Variants in SLC2A13 observed in about 807,000 individuals in gnomAD.
SLC2A13 encodes solute carrier family 2 member 13, also known as proton myo-inositol cotransporter.
In SLC2A13, 32 loss-of-function variants were observed where a neutral mutation model predicts 64.4. The observed-to-expected ratio is 0.50, with a 90% CI of 0.37 to 0.67. The LOEUF is 0.67. SLC2A13 is among the 30% of genes least tolerant of loss of function. The pLI, the probability that SLC2A13 is intolerant of heterozygous loss-of-function variation, is 0.00. For synonymous variants in SLC2A13, 338 were observed against 327.1 expected, an observed-to-expected ratio of 1.03 and a Z score of -0.36; for missense variants, 743 against 829.2, an observed-to-expected ratio of 0.90 and a Z score of 1.28.
At chr12:39,948,792 T>C (rs1946182026) in intron 4 of SLC2A13, among the ~76,000 whole-genome samples, 1 of 152,106 alleles carries the variant, frequency 6.6e-6, no homozygotes, top group African/African-American at 2.4e-5. Flanking sequence ...AAATTTTATA[T>C]ACATAAACAT....
chr12:40,093,668 G>C (rs1938839509), intron 1 of SLC2A13, among the ~76,000 whole-genome samples: 1 of 152,142 alleles, frequency 6.6e-6, no homozygotes, highest in South Asian at 2.1e-4. Context: ...AAGGGAAAGA[G>C]TGCTCCAGGA....
chr12:39,959,183 C>T (rs1231048811), intron 3 of SLC2A13, among the ~76,000 whole-genome samples: 1 of 152,142 alleles, frequency 6.6e-6, no homozygotes, highest in African/African-American at 2.4e-5. Flanking sequence ...CCTGAGCACA[C>T]CCACGCTGTT....
At chr12:39,875,999 C>T (rs1944175061) in intron 4 of SLC2A13, among the ~76,000 whole-genome samples, 1 of 152,174 alleles carries the variant, frequency 6.6e-6, no homozygotes, top group South Asian at 2.1e-4. Flanking sequence ...AAAAGGCTTT[C>T]TTTCCTTTTT....
chr12:40,054,088 T>C (rs943783933), intron 1 of SLC2A13, among the ~76,000 whole-genome samples: 2 of 152,210 alleles, frequency 1.3e-5, no homozygotes, highest in African/African-American at 4.8e-5. Flanking sequence ...CCTTGATTTA[T>C]ATAAGCCACA....
intron 1 of SLC2A13, among the ~76,000 whole-genome samples, chr12:40,069,681 C>T (rs532464836): frequency 3.3e-5 from 5 of 151,502 alleles, no homozygotes; most frequent in South Asian, 2.1e-4. Flanking sequence ...CTACAGGAAG[C>T]GGTTTCCTTC....
chr12:40,054,372 T>C (rs923645082), intron 1 of SLC2A13, among the ~76,000 whole-genome samples: 2 of 152,150 alleles, frequency 1.3e-5, no homozygotes, highest in African/African-American at 4.8e-5. Context: ...AATAAAAGCC[T>C]GATAAAGAAA....
chr12:39,796,284 A>T (rs970189364), intron 7 of SLC2A13, among the ~76,000 whole-genome samples: 13 of 152,072 alleles, frequency 8.5e-5, no homozygotes, highest in Non-Finnish European at 1.8e-4. Context: ...TTACCATTGG[A>T]ATGTGGGCAG....
intron 4 of SLC2A13, among the ~76,000 whole-genome samples, chr12:39,897,970 T>C (rs10877748): frequency 0.96 from 146,409 of 152,134 alleles, 70,707 homozygotes; most frequent in East Asian, 1. Flanking sequence ...TATTATATGC[T>C]TGGCACATAA....
chr12:39,821,432 T>G (rs1942507044), intron 7 of SLC2A13, among the ~76,000 whole-genome samples: 1 of 151,940 alleles, frequency 6.6e-6, no homozygotes, highest in African/African-American at 2.4e-5. Context: ...TTTTTTTTTG[T>G]GCCCTTCCAC....
intron 1 of SLC2A13, among the ~76,000 whole-genome samples, chr12:40,092,528 C>T (rs757456690): frequency 6.6e-6 from 1 of 152,142 alleles, no homozygotes; most frequent in Non-Finnish European, 1.5e-5. Context: ...CATCATTATA[C>T]ACTTACACAT....
chr12:39,956,310 A>C (rs1946313380), intron 3 of SLC2A13, among the ~76,000 whole-genome samples: 1 of 152,296 alleles, frequency 6.6e-6, no homozygotes, highest in Admixed American at 6.5e-5. Flanking sequence ...GGAGGGAGGA[A>C]TTACAAAGGG....
At chr12:39,867,425 C>T (rs1434444324) in intron 5 of SLC2A13, among the ~76,000 whole-genome samples, 2 of 151,656 alleles carry the variant, frequency 1.3e-5, no homozygotes, top group Non-Finnish European at 2.9e-5. Context: ...GGCCACCATA[C>T]TATACATTTT....
intron 7 of SLC2A13, among the ~76,000 whole-genome samples, chr12:39,777,200 C>G (rs1940807776): frequency 6.6e-6 from 1 of 152,200 alleles, no homozygotes. Context: ...CATAATGAGC[C>G]AATCATATGA....
At chr12:39,827,661 T>G (rs929762132) in intron 7 of SLC2A13, among the ~76,000 whole-genome samples, 15 of 152,296 alleles carry the variant, frequency 9.8e-5, no homozygotes, top group African/African-American at 3.6e-4. Context: ...CTCAGTCTAC[T>G]ACATTTTCTA....
intron 2 of SLC2A13, among the ~76,000 whole-genome samples, chr12:40,041,535 A>G (rs1233361755): frequency 6.6e-6 from 1 of 152,260 alleles, no homozygotes; most frequent in Non-Finnish European, 1.5e-5. Context: ...CAGACTAAAA[A>G]AAGTCTCTCT....
At chr12:39,875,459 C>T (rs575423454) in intron 4 of SLC2A13, among the ~76,000 whole-genome samples, 2 of 152,208 alleles carry the variant, frequency 1.3e-5, no homozygotes, top group Non-Finnish European at 2.9e-5. Context: ...TTAATTCAGT[C>T]TGCACCTTAA....
intron 1 of SLC2A13, among the ~76,000 whole-genome samples, chr12:40,066,638 T>G (rs528887616): frequency 2.0e-5 from 3 of 152,092 alleles, no homozygotes; most frequent in Non-Finnish European, 4.4e-5. Context: ...GACAAAAAAG[T>G]ACAGTTAATA....
intron 3 of SLC2A13, among the ~76,000 whole-genome samples, chr12:40,022,057 C>T (rs1253584541): frequency 2.0e-5 from 3 of 151,972 alleles, no homozygotes; most frequent in African/African-American, 7.3e-5. Context: ...AAAAGAGATG[C>T]AGCTGTCCCT....
At chr12:40,101,826 GT>G (rs551968444) in intron 1 of SLC2A13, among the ~76,000 whole-genome samples, 35 of 138,626 alleles carry the variant, frequency 2.5e-4, no homozygotes, top group South Asian at 9.1e-4. Flanking sequence ...AAGGTTGTTT[GT>G]TTTTTTTTTT....
Sources: gnomAD v4.1 joint callset for allele counts (sites outside exome capture counted in the v4.1 genomes callset) on GRCh38, gnomAD v4.1.1 for gene constraint, MANE v1.5 for transcripts, NCBI Gene and HGNC (gene_info 2026-07-23, HGNC 2026-07-21) for gene names.